PICALM: variants seen among roughly 807,000 people sequenced by gnomAD.
The protein encoded by PICALM is phosphatidylinositol-binding clathrin assembly protein.
Under a neutral mutation model 80.5 loss-of-function variants are expected in PICALM, and 40 were observed. That is an observed-to-expected ratio of 0.50 (90% CI 0.39 to 0.65). PICALM has a LOEUF of 0.65. Among genes scored for constraint, PICALM ranks in the 30% least tolerant of loss-of-function variants. The pLI, the probability that PICALM is intolerant of heterozygous loss-of-function variation, is 0.00. For synonymous variants in PICALM, 288 were observed against 260.3 expected, an observed-to-expected ratio of 1.11 and a Z score of -1.02; for missense variants, 676 against 778.9, an observed-to-expected ratio of 0.87 and a Z score of 1.57.
intron 13 of PICALM, among the ~76,000 whole-genome samples, chr11:85,985,307 G>A (rs1054843173): frequency 6.6e-6 from 1 of 152,134 alleles, no homozygotes; most frequent in African/African-American, 2.4e-5. Flanking sequence ...GGTCCTCAAA[G>A]ACAGAAACAA....
At chr11:86,020,232 A>G (rs1016540129) in intron 4 of PICALM, among the ~76,000 whole-genome samples, 2 of 152,154 alleles carry the variant, frequency 1.3e-5, no homozygotes, top group Non-Finnish European at 2.9e-5. Flanking sequence ...AAAGATCCAA[A>G]TAAACAGAAA....
At chr11:85,976,546 TA>T in intron 18 of PICALM, 76 bp downstream of exon 18, 1 of 897,408 alleles carries the variant, frequency 1.1e-6, no homozygotes. Flanking sequence ...AATTCTTTTT[TA>T]GGTTAAATTG....
chr11:85,966,047 C>A (rs572274570), intron 19 of PICALM, among the ~76,000 whole-genome samples: 43 of 152,062 alleles, frequency 2.8e-4, no homozygotes, highest in African/African-American at 1.0e-3. Flanking sequence ...GAACTCTTGA[C>A]CTCGTGATCT....
intron 1 of PICALM, among the ~76,000 whole-genome samples, chr11:86,060,426 T>G (rs1018090147): frequency 5.3e-5 from 8 of 152,212 alleles, no homozygotes; most frequent in African/African-American, 1.9e-4. Context: ...TGTGGTTTAA[T>G]AGGAAATAGT....
chr11:86,046,158 A>G (rs894100997), intron 1 of PICALM, among the ~76,000 whole-genome samples: 1 of 152,216 alleles, frequency 6.6e-6, no homozygotes, highest in Non-Finnish European at 1.5e-5. Flanking sequence ...TGCTTCAAAT[A>G]CTGATAATGA....
intron 14 of PICALM, among the ~76,000 whole-genome samples, chr11:85,982,509 G>C (rs1241600955): frequency 2.2e-5 from 3 of 136,126 alleles, no homozygotes; most frequent in African/African-American, 8.4e-5. Flanking sequence ...CTCACTGCAA[G>C]CTCCACTTCC....
At chr11:85,974,686 A>G (rs2094217995) in intron 19 of PICALM, 22 bp downstream of exon 19, 3 of 1,392,126 alleles carry the variant, frequency 2.2e-6, no homozygotes, top group African/African-American at 2.8e-5. Context: ...ACATTACCAC[A>G]GTTACATGTA....
At position 85,959,038 on chromosome 11, in the gene PICALM, C is replaced by A. The variant is rs2093597857; in HGVS notation, c.*8G>T. 6.3e-7 allele frequency: 1 copy of A among 1,589,976 alleles called. No individual in the cohort carries two copies. The highest frequency in any genetic ancestry group is 1.3e-5 in the African/African-American group (1 of 74,244). On this transcript the variant is annotated 3_prime_UTR_variant, in exon 20 of 20. Coordinates refer to ENST00000393346, the MANE Select transcript of PICALM (RefSeq NM_007166.4). ...CTTTTTGGAGTAATTCCATTTTCTT[C>A]CATCAAGTTACATAAACTGTATCTG...
intron 5 of PICALM, among the ~76,000 whole-genome samples, chr11:86,013,896 G>A (rs1480892813): frequency 6.6e-6 from 1 of 152,174 alleles, no homozygotes; most frequent in Non-Finnish European, 1.5e-5. Flanking sequence ...ATATGTATCA[G>A]TGAGCTTGGC....
rs545314532 is a variant in PICALM at position 85,973,075 on chromosome 11, A to T, written c.1944+1633T>A. ...TTACCCTCACTCCAAGTTATTTTCA[A>T]TTTTCACTGTAAATACTTAACTGAT... On this transcript the variant is annotated intron_variant, in intron 19 of 19. Transcript: ENST00000393346. Among the ~76,000 whole-genome samples, 95 of 152,324 alleles carry T rather than the reference A, an allele frequency of 6.2e-4. 2 individuals are homozygous for T. Among genetic ancestry groups the T allele is most frequent in the African/African-American group, 2.1e-3 (87 of 41,576 alleles).
At chr11:86,047,878 T>C (rs928796594) in intron 1 of PICALM, among the ~76,000 whole-genome samples, 1 of 152,080 alleles carries the variant, frequency 6.6e-6, no homozygotes, top group South Asian at 2.1e-4. Flanking sequence ...GGCGGGCAGA[T>C]CACCTGAGGT....
intron 19 of PICALM, among the ~76,000 whole-genome samples, chr11:85,967,910 T>C (rs1003853972): frequency 4.0e-5 from 6 of 151,000 alleles, no homozygotes; most frequent in Non-Finnish European, 7.4e-5. Context: ...ACTTAACTGA[T>C]GTCAGACTGA....
At chr11:86,023,195 GA>G (rs1248591176) in intron 3 of PICALM, among the ~76,000 whole-genome samples, 3 of 152,116 alleles carry the variant, frequency 2.0e-5, no homozygotes, top group Admixed American at 1.3e-4. Context: ...ATTGAAAAGT[GA>G]ACCCATTTTA....
At chr11:86,045,217 T>A (rs2096050960) in intron 1 of PICALM, among the ~76,000 whole-genome samples, 2 of 151,966 alleles carry the variant, frequency 1.3e-5, no homozygotes, top group Admixed American at 6.6e-5. Context: ...TCCTAATAAG[T>A]TTAATATTAC....
At chr11:86,012,526 A>C (rs1565408237) in intron 5 of PICALM, 134 bp from the exon 6 acceptor site, 1 of 556,510 alleles carries the variant, frequency 1.8e-6, no homozygotes, top group Non-Finnish European at 3.2e-6. Flanking sequence ...TATTTTCTCT[A>C]ATACATACAT....
intron 8 of PICALM, among the ~76,000 whole-genome samples, chr11:86,004,339 A>G (rs1330256629): frequency 6.6e-6 from 1 of 152,222 alleles, no homozygotes; most frequent in African/African-American, 2.4e-5. Flanking sequence ...GATTACGCTT[A>G]TATTAAGAAC....
intron 19 of PICALM, among the ~76,000 whole-genome samples, chr11:85,966,890 T>C (rs1433836613): frequency 1.3e-5 from 2 of 152,232 alleles, no homozygotes; most frequent in Non-Finnish European, 2.9e-5. Context: ...AGGACCCTCC[T>C]CTAGAAAATT....
At chr11:86,017,118 G>A (rs1226986026) in intron 4 of PICALM, among the ~76,000 whole-genome samples, 1 of 152,058 alleles carries the variant, frequency 6.6e-6, no homozygotes, top group Non-Finnish European at 1.5e-5. Context: ...AGATACTCGG[G>A]AGGCTGAGGT....
At chr11:85,986,046 T>A (rs1297065187) in intron 13 of PICALM, among the ~76,000 whole-genome samples, 1 of 152,128 alleles carries the variant, frequency 6.6e-6, no homozygotes, top group African/African-American at 2.4e-5. Context: ...CCTAAAAGTA[T>A]ACAAGGTTAG....
Sources: gnomAD v4.1 joint callset for allele counts (sites outside exome capture counted in the v4.1 genomes callset) on GRCh38, gnomAD v4.1.1 for gene constraint, MANE v1.5 for transcripts, NCBI Gene and HGNC (gene_info 2026-07-23, HGNC 2026-07-21) for gene names.